MYLK: variants seen among roughly 807,000 people sequenced by gnomAD.
MYLK encodes the protein myosin light chain kinase, also known as myosin light chain kinase, smooth muscle.
A neutral mutation model predicts 203.4 loss-of-function variants in MYLK; 106 were observed. The ratio of observed to expected loss-of-function variants is 0.52; its 90% confidence interval spans 0.45 to 0.61. The LOEUF is 0.61. Among genes scored for constraint, MYLK ranks in the 20% least tolerant of loss-of-function variants. MYLK has a pLI of 0.00. For missense variants in MYLK, 2,072 were observed against 2,442.3 expected (o/e 0.85, Z 3.20); for synonymous variants, 867 against 959.5 (o/e 0.90, Z 1.78).
chr3:123,693,306 T>C (rs1341793336), intron 18 of MYLK, among the ~76,000 whole-genome samples: 1 of 152,202 alleles, frequency 6.6e-6, no homozygotes, highest in Non-Finnish European at 1.5e-5. Flanking sequence ...GCAGTGATGC[T>C]GTGACTGCAT....
At chr3:123,698,563 A>G (rs1057499341) in intron 18 of MYLK, among the ~76,000 whole-genome samples, 9 of 152,010 alleles carry the variant, frequency 5.9e-5, no homozygotes, top group Admixed American at 3.9e-4. Context: ...CAGCCCAATA[A>G]TCCCCCATGC....
rs1416319146 is a variant in MYLK, at chr3:123,629,326, A to G, written c.5114+148T>C. The G allele has an allele frequency of 8.3e-6, 8 of 965,396 alleles. No individual in the cohort carries two copies. In the Admixed American group the frequency reaches 1.7e-4, roughly 20 times the overall value. The allele number at this position is 965,396 out of a possible 1,614,324, so 59.8% of individuals were successfully genotyped here. A position where few individuals can be genotyped will look rare whatever the true frequency, so the allele number is the denominator to read the frequency against. Reference sequence around the variant, plus strand: ...CCCACATGCATTCGGGTCTCTTACCATGCCCACCCTCCCTTCCTCAGGGAA... The same window carrying G: ...CCCACATGCATTCGGGTCTCTTACCGTGCCCACCCTCCCTTCCTCAGGGAA... On this transcript the variant is annotated intron_variant, in intron 30 of 33. Coordinates refer to ENST00000360304, the MANE Select transcript of MYLK (RefSeq NM_053025.4). This position sits in a 1 kb window ranked among gnomAD's most constrained non-coding sequence, Gnocchi z 4.4.
intron 31 of MYLK, chr3:123,623,765 G>C (rs1020063933): frequency 1.3e-5 from 2 of 152,208 alleles, no homozygotes; most frequent in Admixed American, 1.3e-4. Flanking sequence ...GGTGATTGCA[G>C]TTAAAATGCA....
At chr3:123,827,199 A>G (rs572536809) in intron 3 of MYLK, among the ~76,000 whole-genome samples, 1 of 152,348 alleles carries the variant, frequency 6.6e-6, no homozygotes, top group African/African-American at 2.4e-5. Context: ...AGAGATGGAT[A>G]TCATTTAAAA....
intron 19 of MYLK, among the ~76,000 whole-genome samples, chr3:123,688,837 A>C (rs2060558737): frequency 6.6e-6 from 1 of 152,024 alleles, no homozygotes; most frequent in South Asian, 2.1e-4. Flanking sequence ...GAGGGGCCTC[A>C]GTGACCACCC....
intron 4 of MYLK, among the ~76,000 whole-genome samples, chr3:123,759,373 C>A (rs1384601673): frequency 6.6e-6 from 1 of 152,196 alleles, no homozygotes; most frequent in African/African-American, 2.4e-5. Flanking sequence ...GGAGATCACT[C>A]TTCTGTGGCA....
chr3:123,702,673 A>G (rs908634812), intron 16 of MYLK, among the ~76,000 whole-genome samples: 1 of 152,168 alleles, frequency 6.6e-6, no homozygotes, highest in African/African-American at 2.4e-5. Flanking sequence ...TGTTTTTATA[A>G]GGTAAGAAAT....
At chr3:123,771,610 C>T (rs1412685044) in intron 4 of MYLK, among the ~76,000 whole-genome samples, 1 of 152,146 alleles carries the variant, frequency 6.6e-6, no homozygotes, top group Non-Finnish European at 1.5e-5. Context: ...ATGATAAAAG[C>T]ATTAAAGGCT....
Position 123,853,653 on chromosome 3 carries a change from G to A in MYLK, c.-126-21983C>T, listed in dbSNP as rs572611102. ...TTTAAATTCTGGATCAAGAGCTGCC[G>A]TACCCAAGGAGCTACAGCTGAGGAC... On this transcript the variant is annotated intron_variant, in intron 2 of 33. Transcript: ENST00000360304. Among the ~76,000 whole-genome samples the A allele has an allele frequency of 6.2e-4, 94 of 152,132 alleles. 1 individual carries two copies. In the South Asian group the frequency reaches 7.5e-3, roughly 12 times the overall value.
intron 2 of MYLK, among the ~76,000 whole-genome samples, chr3:123,851,992 A>G (rs1015326518): frequency 6.6e-6 from 1 of 152,164 alleles, no homozygotes; most frequent in Non-Finnish European, 1.5e-5. Context: ...TTCTGCATCT[A>G]TTGAGATAAT....
rs371974199 is a variant in MYLK at position 123,860,308 on chromosome 3, T to C, written c.-127+16251A>G. On this transcript the variant is annotated intron_variant, in intron 2 of 33. Transcript: ENST00000360304. ...CTGCAGTTCTTCCCTACACCCTGTGTACAAGGCCTGCGTTGCACTGGGGTG... is the reference window on the plus strand; with the variant it reads ...CTGCAGTTCTTCCCTACACCCTGTGCACAAGGCCTGCGTTGCACTGGGGTG... 3.0e-4 allele frequency among the ~76,000 whole-genome samples: 45 copies of C among 152,316 alleles called. No individual in the cohort carries two copies. In the South Asian group the frequency reaches 9.1e-3, roughly 31 times the overall value.
intron 4 of MYLK, among the ~76,000 whole-genome samples, chr3:123,785,247 C>T (rs1314173928): frequency 1.3e-5 from 2 of 152,216 alleles, no homozygotes; most frequent in African/African-American, 2.4e-5. Context: ...ATGTTTATTT[C>T]GATGTCATAT....
rs146782612 is a variant in MYLK, at chr3:123,788,039, T to C, written c.165+5638A>G. ...CGGCCTTTTAAGCAGTGCTGCAGAA[T>C]TTCATGCAAGGGGAACCATCCAAGG... is the stretch of plus-strand genomic sequence containing the variant. On this transcript the variant is annotated intron_variant, in intron 4 of 33. Transcript: ENST00000360304. Among the ~76,000 whole-genome samples, 211 of 152,154 alleles carry C rather than the reference T, an allele frequency of 1.4e-3. 2 individuals carry two copies. The Middle Eastern group carries it at 0.02, about 15-fold the overall frequency.
intron 14 of MYLK, 93 bp downstream of exon 14, chr3:123,709,663 A>T: frequency 1.3e-6 from 2 of 1,540,562 alleles, no homozygotes; most frequent in South Asian, 2.2e-5. Flanking sequence ...TTTCTGGTGG[A>T]TCAAGGATCT....
In MYLK at chr3:123,709,734, A is replaced by T. The variant is rs2061615804; in HGVS notation, c.1942+22T>A. 8 of 1,538,998 alleles carry T rather than the reference A, an allele frequency of 5.2e-6. 1 individual carries two copies. On this transcript the variant is annotated intron_variant, in intron 14 of 33. Coordinates refer to ENST00000360304, the MANE Select transcript of MYLK (RefSeq NM_053025.4). ...AAGACCATTTTCATGTTAATCCCCA[A>T]GAGAGAGCTGCAGAGACAGACCTGA...
chr3:123,702,786 T>G (rs779897694), intron 16 of MYLK, among the ~76,000 whole-genome samples: 1 of 152,222 alleles, frequency 6.6e-6, no homozygotes, highest in Non-Finnish European at 1.5e-5. Flanking sequence ...CTCGCACGTT[T>G]GACACCAGCT....
chr3:123,794,445 A>G (rs1377818035), intron 3 of MYLK, among the ~76,000 whole-genome samples: 1 of 152,190 alleles, frequency 6.6e-6, no homozygotes, highest in Non-Finnish European at 1.5e-5. Flanking sequence ...TCTGAGGACC[A>G]GATTGTGAAC....
chr3:123,740,448 G>T lies in MYLK; in HGVS notation c.374-447C>A, dbSNP rs114961678. Among the ~76,000 whole-genome samples, 518 of 152,306 alleles carry T rather than the reference G, an allele frequency of 3.4e-3. 3 individuals carry two copies. Among genetic ancestry groups the T allele is most frequent in the Middle Eastern group, 0.014 (4 of 294 alleles). ...CTCAGTTAAAGGGAGGGAGGGAAAG[G>T]CCCATGCCTATCTCTTACCACACCT... is the stretch of plus-strand genomic sequence containing the variant. On this transcript the variant is annotated intron_variant, in intron 5 of 33. Coordinates refer to ENST00000360304, the MANE Select transcript of MYLK (RefSeq NM_053025.4).
At chr3:123,694,962 G>A (rs770823664) in intron 18 of MYLK, among the ~76,000 whole-genome samples, 14 of 152,234 alleles carry the variant, frequency 9.2e-5, no homozygotes, top group Admixed American at 2.0e-4. Context: ...ATTCTGAGAG[G>A]GAGATGAGGG....
Sources: gnomAD v4.1 joint callset for allele counts (sites outside exome capture counted in the v4.1 genomes callset) on GRCh38, gnomAD v4.1.1 for gene constraint, Gnocchi (gnomAD v3.1) non-coding constraint, MANE v1.5 for transcripts, NCBI Gene and HGNC (gene_info 2026-07-23, HGNC 2026-07-21) for gene names.